The following CDK19 variants were observed in gnomAD, a reference collection of about 807,000 sequenced individuals.
The protein encoded by CDK19 is cyclin-dependent kinase 19.
Under a neutral mutation model 68.3 loss-of-function variants are expected in CDK19, and 20 were observed. The ratio of observed to expected loss-of-function variants is 0.29; its 90% CI spans 0.21 to 0.43. CDK19 has a LOEUF of 0.43. Among genes scored for constraint, CDK19 ranks in the 20% least tolerant of loss-of-function variants. The probability of loss-of-function intolerance (pLI) is 1.00; values close to 1 mark genes in which losing one functional copy is unlikely to be tolerated. For synonymous variants in CDK19, 221 were observed against 222.8 expected (o/e 0.99, Z 0.07); for missense variants, 339 against 623.5 (o/e 0.54, Z 4.86).
chr6:110,720,107 C>G (rs1469452853), intron 2 of CDK19, among the ~76,000 whole-genome samples: 1 of 151,826 alleles, frequency 6.6e-6, no homozygotes, highest in African/African-American at 2.4e-5. Flanking sequence ...AACCCTGATT[C>G]ATGAAGTCAT....
At chr6:110,706,365 G>C (rs1275460612) in intron 2 of CDK19, 1 of 126,242 alleles carries the variant, frequency 7.9e-6, no homozygotes. Flanking sequence ...CCAACCTGTT[G>C]TTTACAACAA....
chr6:110,646,510 G>A, intron 4 of CDK19: 1 of 1,361,772 alleles, frequency 7.3e-7, no homozygotes. Context: ...TGGTGCCCTG[G>A]GAAACCGACG....
chr6:110,715,389 G>A (rs1025033743), intron 2 of CDK19, among the ~76,000 whole-genome samples: 2 of 152,130 alleles, frequency 1.3e-5, no homozygotes, highest in African/African-American at 4.8e-5. Context: ...GCGCTATATG[G>A]GGCTTTGTTT....
At chr6:110,693,493 G>C (rs527720717) in intron 2 of CDK19, among the ~76,000 whole-genome samples, 55 of 152,376 alleles carry the variant, frequency 3.6e-4, no homozygotes, top group African/African-American at 1.3e-3. Flanking sequence ...TCTCAGTGGA[G>C]TTATGCCCTG....
At chr6:110,683,936 T>C (rs1252675312) in intron 2 of CDK19, among the ~76,000 whole-genome samples, 1 of 151,574 alleles carries the variant, frequency 6.6e-6, no homozygotes, top group African/African-American at 2.4e-5. Context: ...CTCAAATTCC[T>C]GACCTCAGGT....
At chr6:110,815,576 G>GCCACCACAGCCTCGCC (rs1783577654), upstream of CDK19, 1 of 154,052 alleles carries the variant, frequency 6.5e-6, no homozygotes, top group Non-Finnish European at 1.4e-5. Context: ...GTTACCTCGG[G>GCCACCACAGCCTCGCC]CCACCACAGC....
chr6:110,804,678 G>A (rs962134965), intron 1 of CDK19, among the ~76,000 whole-genome samples: 25 of 149,938 alleles, frequency 1.7e-4, no homozygotes, highest in African/African-American at 5.4e-4. Context: ...ACCTGTTGCC[G>A]GGCGCGGTGG....
intron 1 of CDK19, among the ~76,000 whole-genome samples, chr6:110,801,082 T>C (rs183147884): frequency 1.3e-5 from 2 of 152,286 alleles, no homozygotes; most frequent in East Asian, 1.9e-4. Flanking sequence ...CAAGACCCGA[T>C]AAACGACTTC....
chr6:110,813,256 T>C (rs1376684408), intron 1 of CDK19: 1 of 152,098 alleles, frequency 6.6e-6, no homozygotes, highest in Non-Finnish European at 1.5e-5. Flanking sequence ...ACTATTCAAA[T>C]ACAATTCAGA....
At chr6:110,713,516 C>T (rs568903504) in intron 2 of CDK19, among the ~76,000 whole-genome samples, 3 of 150,088 alleles carry the variant, frequency 2.0e-5, no homozygotes, top group Middle Eastern at 3.5e-3. Flanking sequence ...AAGTGATCCT[C>T]TTGTCTCAGC....
chr6:110,677,076 T>G (rs1771593359), intron 2 of CDK19, among the ~76,000 whole-genome samples: 1 of 152,234 alleles, frequency 6.6e-6, no homozygotes, highest in South Asian at 2.1e-4. Flanking sequence ...GAAGGCCGAC[T>G]GAGGCAAAGA....
At chr6:110,669,983 C>T (rs979077463) in intron 3 of CDK19, among the ~76,000 whole-genome samples, 2 of 151,580 alleles carry the variant, frequency 1.3e-5, no homozygotes, top group Non-Finnish European at 2.9e-5. Flanking sequence ...CATGGAGAAA[C>T]CCCGTCTCTA....
At chr6:110,805,359 A>G (rs1164861793) in intron 1 of CDK19, among the ~76,000 whole-genome samples, 2 of 152,222 alleles carry the variant, frequency 1.3e-5, no homozygotes, top group East Asian at 3.8e-4. Flanking sequence ...AAAAAAACAC[A>G]TTAGTTTTTA....
At chr6:110,737,532 G>A (rs996725608) in intron 2 of CDK19, among the ~76,000 whole-genome samples, 8 of 152,160 alleles carry the variant, frequency 5.3e-5, no homozygotes, top group African/African-American at 1.9e-4. Context: ...AGGCATAGTA[G>A]AGCAGACAAC....
chr6:110,623,497 AT>A, intron 8 of CDK19, 135 bp from the exon 9 acceptor site: 1 of 1,169,318 alleles, frequency 8.6e-7, no homozygotes, highest in Non-Finnish European at 1.2e-6. Flanking sequence ...GAAGAAACAC[AT>A]TACCAAATAT....
intron 1 of CDK19, among the ~76,000 whole-genome samples, chr6:110,761,982 C>T (rs1779261849): frequency 6.6e-6 from 1 of 152,106 alleles, no homozygotes; most frequent in Non-Finnish European, 1.5e-5. Flanking sequence ...CAGGCTTTTG[C>T]TCCCTCAATT....
At chr6:110,744,256 C>G (rs930928571) in intron 2 of CDK19, among the ~76,000 whole-genome samples, 3 of 151,944 alleles carry the variant, frequency 2.0e-5, no homozygotes, top group African/African-American at 7.3e-5. Context: ...ATCCACCCCC[C>G]CAACAGCCTC....
intron 2 of CDK19, among the ~76,000 whole-genome samples, chr6:110,696,662 C>CTA (rs990064568): frequency 2.0e-5 from 3 of 152,216 alleles, no homozygotes; most frequent in Non-Finnish European, 4.4e-5. Flanking sequence ...TGGCTCACGT[C>CTA]TGTAATCCCA....
At chr6:110,626,701 T>G in intron 8 of CDK19, 75 bp downstream of exon 8, 1 of 883,376 alleles carries the variant, frequency 1.1e-6, no homozygotes. Context: ...AAATTCCTGT[T>G]GTTTATAAAT....
Sources: allele counts gnomAD v4.1 joint callset (sites outside exome capture counted in the v4.1 genomes callset), GRCh38; gene constraint gnomAD v4.1.1; transcripts MANE v1.5; gene names NCBI Gene and HGNC (gene_info 2026-07-23, HGNC 2026-07-21).